The following ANKRD26 variants were observed in gnomAD, a reference collection of about 807,000 sequenced individuals.
ANKRD26 encodes the protein ankyrin repeat domain-containing protein 26.
In ANKRD26, 141 loss-of-function variants were observed where a neutral mutation model predicts 208.7. That is an observed-to-expected ratio of 0.68 (90% confidence interval 0.59 to 0.78). ANKRD26 has a LOEUF of 0.78. ANKRD26 is among the 30% of genes least tolerant of loss of function. The pLI, the probability that ANKRD26 is intolerant of heterozygous loss-of-function variation, is 0.00. For missense variants in ANKRD26, 1,889 were observed against 1,938.7 expected (o/e 0.97, Z 0.48); for synonymous variants, 636 against 660.4 (o/e 0.96, Z 0.57).
At chr10:27,006,830 T>C (rs2134806694) in intron 33 of ANKRD26, 87 bp downstream of exon 33, 1 of 1,042,886 alleles carries the variant, frequency 9.6e-7, no homozygotes, top group Non-Finnish European at 1.5e-6. Flanking sequence ...AGCCAAACAA[T>C]GGAAAGGGAT....
chr10:27,045,395 G>A (rs1430167012), intron 18 of ANKRD26, among the ~76,000 whole-genome samples: 2 of 149,104 alleles, frequency 1.3e-5, no homozygotes, highest in Non-Finnish European at 3.0e-5. Flanking sequence ...CTGCACTCCA[G>A]TCTGGGCAAC....
chr10:27,096,386 G>A (rs964016170), intron 1 of ANKRD26, among the ~76,000 whole-genome samples: 3 of 152,160 alleles, frequency 2.0e-5, no homozygotes, highest in Admixed American at 2.0e-4. Flanking sequence ...TGTGAAAGGG[G>A]AATAAATATC....
intron 9 of ANKRD26, among the ~76,000 whole-genome samples, chr10:27,071,749 G>A (rs551104897): frequency 2.0e-5 from 3 of 152,244 alleles, no homozygotes; most frequent in East Asian, 1.9e-4. Context: ...GAGTGTGAAC[G>A]GGAGAGATGG....
chr10:27,037,015 C>T (rs567153528), intron 23 of ANKRD26, among the ~76,000 whole-genome samples, 171 bp downstream of exon 23: 1 of 152,118 alleles, frequency 6.6e-6, no homozygotes, highest in South Asian at 2.1e-4. Flanking sequence ...GAATTAAGAA[C>T]ATCACTTTAT....
intron 5 of ANKRD26, among the ~76,000 whole-genome samples, chr10:26,977,820 G>A (rs758162377): frequency 2.0e-5 from 3 of 152,252 alleles, no homozygotes; most frequent in East Asian, 3.9e-4. Flanking sequence ...GAGAAAGCCC[G>A]CTACTGCCCT....
In ANKRD26 at chr10:27,023,447, C is replaced by CA. The variant is rs991691208; in HGVS notation, c.4086-761dup. 1.0e-2 allele frequency among the ~76,000 whole-genome samples: 1,207 copies of CA among 121,204 alleles called. 23 individuals carry two copies. Among genetic ancestry groups the CA allele is most frequent in the Admixed American group, 0.049 (611 of 12,414 alleles). 79.5% of individuals were successfully genotyped at this position (121,204 alleles called of 152,430 possible). A position where few individuals can be genotyped will look rare whatever the true frequency, so the allele number is the denominator to read the frequency against. Reference sequence around the variant, plus strand: ...ACCACTGTTTATAAGAAGAAAAGTACAAAAAAAAAAAGAAAGTACACACAA... The same window carrying CA: ...ACCACTGTTTATAAGAAGAAAAGTACAAAAAAAAAAAAGAAAGTACACACAA... On this transcript the variant is annotated intron_variant, in intron 28 of 33. Transcript: ENST00000376087.
the ANKRD26 span, among the ~76,000 whole-genome samples, chr10:26,962,922 T>C: frequency 6.6e-6 from 1 of 152,162 alleles, no homozygotes. Context: ...AGCTCATATA[T>C]CATGCTTACT....
chr10:27,078,400 C>T (rs114897006), intron 7 of ANKRD26, among the ~76,000 whole-genome samples: 55 of 151,980 alleles, frequency 3.6e-4, no homozygotes, highest in African/African-American at 1.2e-3. Flanking sequence ...TGCAAGGAAA[C>T]ATTTAGGCTG....
chr10:27,024,777 T>C (rs2053605308), intron 27 of ANKRD26, among the ~76,000 whole-genome samples: 1 of 152,172 alleles, frequency 6.6e-6, no homozygotes, highest in South Asian at 2.1e-4. Context: ...TTGTTAAAAA[T>C]AGAAGTTTTT....
At chr10:26,973,854 G>A (rs1436387177), downstream of ANKRD26, among the ~76,000 whole-genome samples, 2 of 151,336 alleles carry the variant, frequency 1.3e-5, no homozygotes, top group African/African-American at 2.4e-5. Flanking sequence ...ACGGGGTTTC[G>A]CCATGTTGGC....
At chr10:27,022,044 A>C (rs2053507323) in intron 29 of ANKRD26, among the ~76,000 whole-genome samples, 1 of 152,184 alleles carries the variant, frequency 6.6e-6, no homozygotes, top group Non-Finnish European at 1.5e-5. Flanking sequence ...TCTTTAGTTT[A>C]ATTAGATTCT....
At chr10:27,100,063 C>G (rs771752336) in intron 1 of ANKRD26, 22 bp downstream of exon 1, 200 of 1,613,212 alleles carry the variant, frequency 1.2e-4, no homozygotes, top group Non-Finnish European at 1.5e-4. Context: ...GGCACTCAGT[C>G]CGGGCTTGCG....
downstream of ANKRD26, among the ~76,000 whole-genome samples, chr10:26,970,298 G>C (rs1210286507): frequency 6.6e-6 from 1 of 152,104 alleles, no homozygotes; most frequent in Non-Finnish European, 1.5e-5. Context: ...TTGGATCATG[G>C]GGGTGGAATT....
intron 24 of ANKRD26, among the ~76,000 whole-genome samples, chr10:27,033,585 T>C (rs546300039): frequency 2.0e-5 from 3 of 152,296 alleles, no homozygotes; most frequent in African/African-American, 7.2e-5. Context: ...TTCCTGCCAA[T>C]TAGGTATGAC....
chr10:27,026,601 T>C lies in ANKRD26; in HGVS notation c.3973-2042A>G, dbSNP rs1031099580. 3.3e-5 allele frequency among the ~76,000 whole-genome samples: 5 copies of C among 152,168 alleles called. No homozygotes were observed. The East Asian group carries it at 9.6e-4, about 29-fold the overall frequency. On this transcript the variant is annotated intron_variant, in intron 27 of 33. Coordinates refer to ENST00000376087, the MANE Select transcript of ANKRD26 (RefSeq NM_014915.3). The stretch of plus-strand genomic sequence containing the variant: ...TTAGTAGAAGCATCAACCTCATTGC[T>C]CCACTTTAGTATTTACAATGCAACC...
At chr10:27,014,813 C>A in intron 30 of ANKRD26, 102 bp from the exon 31 acceptor site, 3 of 890,848 alleles carry the variant, frequency 3.4e-6, no homozygotes, top group Non-Finnish European at 1.8e-6. Context: ...AACCCAAACT[C>A]CAAAAAGAGA....
At chr10:27,043,630 G>A (rs2054340417) in intron 19 of ANKRD26, 63 bp from the exon 20 acceptor site, 1 of 1,500,280 alleles carries the variant, frequency 6.7e-7, no homozygotes, top group East Asian at 2.3e-5. Context: ...TACAGAAGTG[G>A]TAATTATCCA....
chr10:26,970,250 A>C (rs529735058), downstream of ANKRD26, among the ~76,000 whole-genome samples: 1 of 152,186 alleles, frequency 6.6e-6, no homozygotes, highest in East Asian at 1.9e-4. Flanking sequence ...CTTGAATTAT[A>C]ATCTTCAGTA....
At chr10:27,071,381 G>T (rs2055489799) in intron 9 of ANKRD26, among the ~76,000 whole-genome samples, 1 of 150,496 alleles carries the variant, frequency 6.6e-6, no homozygotes, top group African/African-American at 2.4e-5. Flanking sequence ...TCACCGTGTT[G>T]GCCAGGATGG....
Sources: gnomAD v4.1 joint callset for allele counts (sites outside exome capture counted in the v4.1 genomes callset) on GRCh38, gnomAD v4.1.1 for gene constraint, MANE v1.5 for transcripts, NCBI Gene and HGNC (gene_info 2026-07-23, HGNC 2026-07-21) for gene names.